The following FAM13A variants were observed in gnomAD, a reference collection of about 807,000 sequenced individuals.
FAM13A encodes the protein family with sequence similarity 13 member A, also known as protein FAM13A.
Under a neutral mutation model 129.6 loss-of-function variants are expected in FAM13A, and 76 were observed. The observed-to-expected ratio is 0.59, with a 90% CI of 0.49 to 0.71. The LOEUF is 0.71. Ranked by LOEUF, FAM13A falls within the 30% of genes least tolerant of loss-of-function variation. FAM13A has a pLI of 0.00. For missense variants in FAM13A, 1,108 were observed against 1,249.3 expected (o/e 0.89, Z 1.70); for synonymous variants, 443 against 449.9 (o/e 0.98, Z 0.20).
In FAM13A at chr4:88,968,670, C is replaced by A. The variant is rs569992924; in HGVS notation, c.605+22303G>T. ...CTATTCCATTAATCCCCTTTTCTCC[C>A]ACCCCACTTTCTTCCTTTTTTTTTA... is the stretch of plus-strand genomic sequence containing the variant. On this transcript the variant is annotated intron_variant, in intron 4 of 23. Coordinates refer to ENST00000264344, the MANE Select transcript of FAM13A (RefSeq NM_014883.4). Among the ~76,000 whole-genome samples the A allele has an allele frequency of 5.0e-3, 761 of 152,138 alleles. 5 individuals are homozygous for A. Among genetic ancestry groups the A allele is most frequent in the Non-Finnish European group, 9.5e-3 (649 of 67,998 alleles).
intron 6 of FAM13A, among the ~76,000 whole-genome samples, chr4:88,866,424 C>T (rs1232761941): frequency 6.6e-6 from 1 of 152,194 alleles, no homozygotes; most frequent in African/African-American, 2.4e-5. Context: ...TCAAGTTCAG[C>T]CTGCCTTGAC....
intron 6 of FAM13A, among the ~76,000 whole-genome samples, chr4:88,859,110 A>C (rs1057418315): frequency 4.6e-5 from 7 of 152,094 alleles, no homozygotes; most frequent in Admixed American, 4.6e-4. Context: ...TTCAAAGGAG[A>C]GCTTGTATAA....
intron 4 of FAM13A, among the ~76,000 whole-genome samples, chr4:88,978,328 A>G (rs921433109): frequency 6.6e-5 from 10 of 152,240 alleles, no homozygotes; most frequent in Non-Finnish European, 1.5e-4. Context: ...TGGATTTACC[A>G]TGAGGAATAG....
chr4:88,995,951 G>C (rs1409777333), intron 3 of FAM13A, among the ~76,000 whole-genome samples: 6 of 152,330 alleles, frequency 3.9e-5, no homozygotes, highest in Admixed American at 3.9e-4. Flanking sequence ...GTAAAGCAGA[G>C]TGATGTCAGG....
intron 4 of FAM13A, among the ~76,000 whole-genome samples, chr4:88,969,378 G>C (rs530021355): frequency 6.6e-6 from 1 of 152,270 alleles, no homozygotes; most frequent in Non-Finnish European, 1.5e-5. Context: ...AAGAGCTCAT[G>C]TGTAGAAATG....
intron 7 of FAM13A, among the ~76,000 whole-genome samples, chr4:88,805,820 T>C (rs747244402): frequency 1.3e-5 from 2 of 151,668 alleles, no homozygotes; most frequent in African/African-American, 2.4e-5. Flanking sequence ...AGGCACGTGC[T>C]ACCATGTCAG....
chr4:88,812,345 A>C (rs913449655), intron 7 of FAM13A, among the ~76,000 whole-genome samples: 3 of 152,108 alleles, frequency 2.0e-5, no homozygotes, highest in African/African-American at 4.8e-5. Context: ...TCACAGGGGC[A>C]ATACTATTTC....
chr4:88,821,006 C>T (rs1348269682), intron 7 of FAM13A, among the ~76,000 whole-genome samples: 1 of 152,186 alleles, frequency 6.6e-6, no homozygotes, highest in East Asian at 1.9e-4. Flanking sequence ...GGCTCTGGAA[C>T]CTTCCTGCTT....
chr4:88,966,590 T>C (rs760803652), intron 4 of FAM13A, among the ~76,000 whole-genome samples: 1 of 152,190 alleles, frequency 6.6e-6, no homozygotes, highest in Non-Finnish European at 1.5e-5. Context: ...ACCTACTTTC[T>C]TATTAATTAA....
chr4:88,928,093 G>T (rs1471434854), intron 5 of FAM13A, among the ~76,000 whole-genome samples: 1 of 152,066 alleles, frequency 6.6e-6, no homozygotes, highest in Non-Finnish European at 1.5e-5. Context: ...CATTGACCCA[G>T]TGATCATTCA....
intron 6 of FAM13A, among the ~76,000 whole-genome samples, chr4:88,851,937 A>G (rs1398145450): frequency 6.6e-6 from 1 of 152,168 alleles, no homozygotes; most frequent in African/African-American, 2.4e-5. Context: ...TAAAATGTAA[A>G]AAATATTATG....
chr4:88,909,547 C>T (rs1003724014), intron 5 of FAM13A, among the ~76,000 whole-genome samples: 5 of 151,412 alleles, frequency 3.3e-5, no homozygotes, highest in African/African-American at 1.2e-4. Context: ...AGTGCAGTGG[C>T]GTGATCTTGG....
At chr4:88,746,552 C>T (rs563240229) in intron 19 of FAM13A, among the ~76,000 whole-genome samples, 3 of 152,166 alleles carry the variant, frequency 2.0e-5, no homozygotes, top group African/African-American at 7.2e-5. Flanking sequence ...AGGAAGCCTA[C>T]AGTGACAGCT....
intron 1 of FAM13A, among the ~76,000 whole-genome samples, chr4:89,056,702 A>G (rs528138472): frequency 1.3e-5 from 2 of 152,336 alleles, no homozygotes; most frequent in East Asian, 3.9e-4. Flanking sequence ...TTAACGGAAT[A>G]AATCAGCATG....
At chr4:88,865,878 CTTTTTTTTTTT>C (rs34865210) in intron 6 of FAM13A, among the ~76,000 whole-genome samples, 16 of 83,214 alleles carry the variant, frequency 1.9e-4, no homozygotes, top group South Asian at 1.4e-3. Flanking sequence ...TTGTCTCTCT[CTTTTTTTTTTT>C]TTTTTTTTTT....
At chr4:88,948,230 G>A (rs536683816) in intron 4 of FAM13A, among the ~76,000 whole-genome samples, 2 of 152,210 alleles carry the variant, frequency 1.3e-5, no homozygotes, top group African/African-American at 4.8e-5. Flanking sequence ...CTCAGGTTCT[G>A]GCTCCACAAC....
At chr4:88,854,746 T>C (rs188396377) in intron 6 of FAM13A, among the ~76,000 whole-genome samples, 1 of 152,378 alleles carries the variant, frequency 6.6e-6, no homozygotes, top group East Asian at 1.9e-4. Context: ...ATACATTCCA[T>C]GCATGTATCT....
In FAM13A at chr4:88,768,589, T is replaced by C. The variant is rs989620366; in HGVS notation, c.1459-530A>G. On this transcript the variant is annotated intron_variant, in intron 11 of 23. Transcript: ENST00000264344. ...GTGTATATATGTATATACATATATA[T>C]GCACACACACATATACATACTCAGT... 5.9e-5 allele frequency among the ~76,000 whole-genome samples: 9 copies of C among 152,118 alleles called. No individual in the cohort carries two copies. In the South Asian group the frequency reaches 1.9e-3, roughly 32 times the overall value.
At chr4:88,884,303 T>C (rs533508568) in intron 6 of FAM13A, among the ~76,000 whole-genome samples, 1 of 152,284 alleles carries the variant, frequency 6.6e-6, no homozygotes, top group South Asian at 2.1e-4. Flanking sequence ...TAACCCACTA[T>C]GATCAAGTGG....
Sources: allele counts gnomAD v4.1 joint callset (sites outside exome capture counted in the v4.1 genomes callset), GRCh38; gene constraint gnomAD v4.1.1; transcripts MANE v1.5; gene names NCBI Gene and HGNC (gene_info 2026-07-23, HGNC 2026-07-21).